Variants in MYO9A observed in about 807,000 individuals in gnomAD.
The protein encoded by MYO9A is unconventional myosin-IXa.
MYO9A carries 103 observed loss-of-function variants against 293.3 expected under a neutral mutation model. The ratio of observed to expected loss-of-function variants is 0.35; its 90% CI spans 0.30 to 0.41. The LOEUF (loss-of-function observed/expected upper bound fraction) is 0.41, where lower values mean the gene tolerates loss of function less well. Ranked by LOEUF, MYO9A falls within the 10% of genes least tolerant of loss-of-function variation. The probability of loss-of-function intolerance (pLI) is 1.00; values close to 1 mark genes in which losing one functional copy is unlikely to be tolerated. For synonymous variants in MYO9A, 1,001 were observed against 1,035.7 expected (o/e 0.97, Z 0.64); for missense variants, 2,685 against 3,033.0 (o/e 0.89, Z 2.69).
At chr15:71,862,667 A>T in intron 32 of MYO9A, 56 bp from the exon 33 acceptor site, 1 of 1,165,952 alleles carries the variant, frequency 8.6e-7, no homozygotes, top group South Asian at 1.3e-5. Context: ...ATGCTGCCCT[A>T]ACGTGGTGGG....
intron 1 of MYO9A, among the ~76,000 whole-genome samples, chr15:72,052,487 A>T (rs2078595273): frequency 6.6e-6 from 1 of 152,236 alleles, no homozygotes; most frequent in African/African-American, 2.4e-5. Flanking sequence ...GCTATAACAC[A>T]AACAGGGCTG....
intron 1 of MYO9A, 31 bp from the exon 2 acceptor site, chr15:72,046,665 A>T: frequency 7.3e-7 from 1 of 1,370,386 alleles, no homozygotes; most frequent in Non-Finnish European, 9.7e-7. Flanking sequence ...AATATTTAGA[A>T]GTAAATACAC....
chr15:71,844,147 G>A (rs1190376380), intron 39 of MYO9A, among the ~76,000 whole-genome samples: 1 of 152,130 alleles, frequency 6.6e-6, no homozygotes, highest in African/African-American at 2.4e-5. Context: ...CATCCCTTAA[G>A]AGCTAGCTCA....
chr15:71,981,513 T>A (rs1158599829), intron 11 of MYO9A, among the ~76,000 whole-genome samples: 1 of 152,236 alleles, frequency 6.6e-6, no homozygotes, highest in Non-Finnish European at 1.5e-5. Context: ...AGCTCTTTTG[T>A]TCGTATCATT....
intron 8 of MYO9A, among the ~76,000 whole-genome samples, chr15:72,006,080 C>CT (rs1407351350): frequency 1.3e-5 from 2 of 151,918 alleles, no homozygotes; most frequent in African/African-American, 2.4e-5. Flanking sequence ...ATGAATGAAT[C>CT]TTTTTTTTGT....
chr15:72,014,811 AAAGAAAAGAG>A (rs2077282704), intron 6 of MYO9A, among the ~76,000 whole-genome samples: 1 of 151,872 alleles, frequency 6.6e-6, no homozygotes, highest in South Asian at 2.1e-4. Context: ...CAAAGAAAGA[AAAGAAAAGAG>A]AAGAAAAGAG....
rs939162753 is a variant in MYO9A, at chr15:71,978,053, AT to A, written c.1844+117del. On this transcript the variant is annotated intron_variant, in intron 12 of 41. Transcript: ENST00000356056. The stretch of plus-strand genomic sequence containing the variant: ...CTCCGTCTCAAAAATAAATAAAAAA[AT>A]AAATTGTACAAAAAAAATTTGGCTC... The A allele has an allele frequency of 2.0e-5, 24 of 1,185,786 alleles. 1 individual carries two copies. The African/African-American group carries it at 3.6e-4, about 18-fold the overall frequency. 73.5% of individuals were successfully genotyped at this position (1,185,786 alleles called of 1,614,324 possible).
intron 7 of MYO9A, among the ~76,000 whole-genome samples, chr15:72,009,870 C>T (rs529436382): frequency 6.6e-6 from 1 of 152,072 alleles, no homozygotes; most frequent in Admixed American, 6.5e-5. Flanking sequence ...ATCTTTATCT[C>T]AAATTTTTAT....
intron 1 of MYO9A, among the ~76,000 whole-genome samples, chr15:72,109,062 C>T (rs562100923): frequency 6.6e-6 from 1 of 152,012 alleles, no homozygotes; most frequent in Non-Finnish European, 1.5e-5. Context: ...GGCACCCAGC[C>T]GCAACTTACT....
At chr15:71,947,761 TG>T (rs2058954587) in intron 15 of MYO9A, among the ~76,000 whole-genome samples, 1 of 152,150 alleles carries the variant, frequency 6.6e-6, no homozygotes, top group Non-Finnish European at 1.5e-5. Context: ...CCCTGGCAAT[TG>T]CTGATCCTTC....
intron 4 of MYO9A, among the ~76,000 whole-genome samples, 188 bp from the exon 5 acceptor site, chr15:72,021,205 A>G (rs565240031): frequency 6.6e-6 from 1 of 152,324 alleles, no homozygotes; most frequent in East Asian, 1.9e-4. Context: ...GTGGAATACA[A>G]AAGAGAGGGA....
At position 71,826,009 on chromosome 15, in the gene MYO9A, G is replaced by GTTTTTTTTTTTTTTTTT. The variant is rs1158678203; in HGVS notation, c.*570_*571insAAAAAAAAAAAAAAAAA. The GTTTTTTTTTTTTTTTTT allele has an allele frequency of 1.6e-5, 1 of 64,198 alleles. No individual in the cohort carries two copies. Among genetic ancestry groups the GTTTTTTTTTTTTTTTTT allele is most frequent in the Non-Finnish European group, 3.1e-5 (1 of 31,884 alleles). The allele number at this position is 64,198 out of a possible 1,614,324, so 4.0% of individuals were successfully genotyped here. ...GGTTTTTTTTTGTTTTTTTTTTTTT[G>GTTTTTTTTTTTTTTTTT]TTTTTTTTTTTTGTTTTTGCTTTCC... is the stretch of plus-strand genomic sequence containing the variant. On this transcript the variant is annotated 3_prime_UTR_variant, in exon 42 of 42. Transcript: ENST00000356056.
chr15:71,983,851 CGACT>C (rs1338420176), intron 11 of MYO9A, among the ~76,000 whole-genome samples: 2 of 152,168 alleles, frequency 1.3e-5, no homozygotes, highest in Non-Finnish European at 2.9e-5. Flanking sequence ...TTAGATTCAA[CGACT>C]TTTTTATAAT....
At position 71,903,003 on chromosome 15, in the gene MYO9A, T is replaced by C; in HGVS notation, c.2938A>G (p.Ile980Val). 8 of 1,587,506 alleles carry C rather than the reference T, an allele frequency of 5.0e-6. No homozygotes were observed. The highest frequency in any genetic ancestry group is 6.9e-6 in the Non-Finnish European group (8 of 1,160,150). ...PRNIIPSKFN[I>V]QDFFRKINLN... ...TTTATTTTCCTGAAGAAATCCTGAA[T>C]GTTAAATTTGGATGGAATAATATTT... Residue 980 changes from isoleucine to valine, a missense_variant, in exon 22 of 42, where the codon ATT (isoleucine) becomes GTT (valine). Physicochemically the swap from Ile to Val is conservative, Grantham distance 29. This residue lies in a region of MYO9A where 1,434 missense variants were observed against 1,497.7 expected (regional missense o/e 0.96). Transcript: ENST00000356056.
At chr15:71,878,768 A>G (rs1048747362) in intron 30 of MYO9A, among the ~76,000 whole-genome samples, 1 of 89,888 alleles carries the variant, frequency 1.1e-5, no homozygotes, top group South Asian at 3.2e-4. Context: ...TTTTTTTTAG[A>G]CGGAGTCTTG....
In MYO9A at chr15:71,854,362, A is replaced by T. The variant is rs372093588; in HGVS notation, c.6346+15T>A. 1 of 1,442,570 alleles carries T rather than the reference A, an allele frequency of 6.9e-7. No homozygotes were observed. Among genetic ancestry groups the T allele is most frequent in the Non-Finnish European group, 9.1e-7 (1 of 1,094,064 alleles). The allele number at this position is 1,442,570 out of a possible 1,614,324, so 89.4% of individuals were successfully genotyped here. A position where few individuals can be genotyped will look rare whatever the true frequency, so the allele number is the denominator to read the frequency against. On this transcript the variant is annotated intron_variant, in intron 35 of 41. Transcript: ENST00000356056. Reference sequence around the variant, plus strand: ...ATAAAAGTATTTCATTATGATTTAGAGGGCACTATCTTACCTGTATCTAGA... The same window carrying T: ...ATAAAAGTATTTCATTATGATTTAGTGGGCACTATCTTACCTGTATCTAGA...
At chr15:72,041,370 AT>A in intron 2 of MYO9A, 1 of 511,220 alleles carries the variant, frequency 2.0e-6, no homozygotes, top group Non-Finnish European at 3.9e-6. Context: ...ACTATCTTGA[AT>A]GCATATCAGT....
At chr15:72,055,170 T>C (rs578091051) in intron 1 of MYO9A, among the ~76,000 whole-genome samples, 6 of 152,320 alleles carry the variant, frequency 3.9e-5, no homozygotes, top group East Asian at 1.9e-4. Context: ...CCCATAGTCA[T>C]AGCTATTTGA....
At chr15:71,930,609 C>T (rs1425197961) in intron 18 of MYO9A, among the ~76,000 whole-genome samples, 1 of 152,080 alleles carries the variant, frequency 6.6e-6, no homozygotes, top group Non-Finnish European at 1.5e-5. Flanking sequence ...GTGAGTCTCT[C>T]GCAGGTAGCA....
Sources: allele counts gnomAD v4.1 joint callset (sites outside exome capture counted in the v4.1 genomes callset), GRCh38; gene constraint gnomAD v4.1.1; regional missense constraint gnomAD v4.1.1; transcripts MANE v1.5; gene names NCBI Gene and HGNC (gene_info 2026-07-23, HGNC 2026-07-21).